The following LIMD1 variants were observed in gnomAD, a reference collection of about 807,000 sequenced individuals.
The protein encoded by LIMD1 is LIM domain-containing protein 1.
A neutral mutation model predicts 58.4 loss-of-function variants in LIMD1; 23 were observed. The ratio of observed to expected loss-of-function variants is 0.39; its 90% CI spans 0.28 to 0.56. The LOEUF is 0.56. Ranked by LOEUF, LIMD1 falls within the 20% of genes least tolerant of loss-of-function variation. LIMD1 has a pLI of 0.57. For missense variants in LIMD1, 838 were observed against 855.5 expected (o/e 0.98, Z 0.25); for synonymous variants, 334 against 345.5 (o/e 0.97, Z 0.37).
intron 1 of LIMD1, among the ~76,000 whole-genome samples, chr3:45,617,601 C>A (rs576344972): frequency 9.4e-4 from 143 of 152,360 alleles, no homozygotes; most frequent in Non-Finnish European, 1.7e-3. Context: ...AATTTTCTCT[C>A]CTGTTTTGAA....
intron 2 of LIMD1, among the ~76,000 whole-genome samples, chr3:45,659,126 A>G (rs1241178079): frequency 6.6e-6 from 1 of 152,202 alleles, no homozygotes; most frequent in Non-Finnish European, 1.5e-5. Flanking sequence ...TGTACCTAAT[A>G]CTAGAAAGAA....
intron 1 of LIMD1, among the ~76,000 whole-genome samples, chr3:45,603,284 C>T (rs1701434004): frequency 6.6e-6 from 1 of 152,126 alleles, no homozygotes; most frequent in South Asian, 2.1e-4. Flanking sequence ...AATAAAGCAG[C>T]CCCTCCAGAA....
At chr3:45,627,736 G>A (rs899288402) in intron 1 of LIMD1, among the ~76,000 whole-genome samples, 3 of 149,458 alleles carry the variant, frequency 2.0e-5, no homozygotes, top group East Asian at 2.0e-4. Context: ...GGCCAGGTGC[G>A]GTAGCTCATG....
chr3:45,668,874 A>G (rs1697554687), intron 4 of LIMD1, among the ~76,000 whole-genome samples: 2 of 152,130 alleles, frequency 1.3e-5, no homozygotes, highest in South Asian at 4.1e-4. Flanking sequence ...TGTTTCCGAT[A>G]ATGCTTTCTC....
intron 2 of LIMD1, among the ~76,000 whole-genome samples, chr3:45,637,727 C>T (rs1378600432): frequency 6.7e-6 from 1 of 149,206 alleles, no homozygotes; most frequent in Non-Finnish European, 1.5e-5. Flanking sequence ...TCCTAATTCC[C>T]AGTATAAAGT....
intron 1 of LIMD1, among the ~76,000 whole-genome samples, chr3:45,597,939 C>A (rs1701373836): frequency 2.0e-5 from 3 of 152,174 alleles, no homozygotes. Flanking sequence ...GTCAGGGTAG[C>A]TGTTTATGGC....
rs1479473845 is a variant in LIMD1, at chr3:45,685,367, G to A, written c.*8308G>A. The A allele has an allele frequency of 6.6e-6, 1 of 152,198 alleles. No homozygotes were observed. Among genetic ancestry groups the A allele is most frequent in the Non-Finnish European group, 1.5e-5 (1 of 68,026 alleles). 9.4% of individuals were successfully genotyped at this position (152,198 alleles called of 1,614,324 possible). On this transcript the variant is annotated 3_prime_UTR_variant, in exon 8 of 8. Transcript: ENST00000273317. ...TATGGTTCCCAACTGGTAAAGAAAC[G>A]TCAAACTTTGCCTCTCTTAGTTCCT...
chr3:45,638,354 G>T (rs1010898588), intron 2 of LIMD1, among the ~76,000 whole-genome samples: 3 of 152,192 alleles, frequency 2.0e-5, no homozygotes, highest in African/African-American at 7.2e-5. Flanking sequence ...AAGGTATATT[G>T]TGTGAATCTG....
At chr3:45,665,297 CTG>C (rs1697501217) in intron 2 of LIMD1, among the ~76,000 whole-genome samples, 1 of 151,958 alleles carries the variant, frequency 6.6e-6, no homozygotes, top group South Asian at 2.1e-4. Context: ...TCACAAGAGA[CTG>C]TTGCTTGGAT....
rs989324474 is a variant in LIMD1 at position 45,686,132 on chromosome 3, A to C, written c.*9073A>C. Reference sequence around the variant, plus strand: ...CTTGTAATAGTCTTAAAGCCCCTGCACCTGGAACTGTTTACTTTCCTGTAA... The same window carrying C: ...CTTGTAATAGTCTTAAAGCCCCTGCCCCTGGAACTGTTTACTTTCCTGTAA... On this transcript the variant is annotated 3_prime_UTR_variant, in exon 8 of 8. Coordinates refer to ENST00000273317, the MANE Select transcript of LIMD1 (RefSeq NM_014240.3). 1.4e-4 allele frequency: 21 copies of C among 152,178 alleles called. No homozygotes were observed. Among genetic ancestry groups the C allele is most frequent in the Non-Finnish European group, 2.6e-4 (18 of 68,040 alleles). The allele number at this position is 152,178 out of a possible 1,614,324, so 9.4% of individuals were successfully genotyped here. A position where few individuals can be genotyped will look rare whatever the true frequency, so the allele number is the denominator to read the frequency against.
chr3:45,674,227 A>C, intron 6 of LIMD1, 116 bp from the exon 7 acceptor site: 1 of 674,012 alleles, frequency 1.5e-6, no homozygotes, highest in Non-Finnish European at 2.7e-6. Context: ...TCTCCTCCCA[A>C]GGCCACCTAC....
rs1451581170 is a variant in LIMD1, at chr3:45,676,907, T to A, written c.1894-15T>A. The A allele has an allele frequency of 1.2e-6, 2 of 1,613,846 alleles. No individual in the cohort carries two copies. The highest frequency in any genetic ancestry group is 2.7e-5 in the African/African-American group (2 of 74,920). On this transcript the variant is annotated splice_polypyrimidine_tract_variant and intron_variant, in intron 7 of 7. Transcript: ENST00000273317. ...TTTTGTTTTGCTTCCCCTGGACATG[T>A]CTGCCTCCCCACAGGACTGTGGTCT...
chr3:45,674,465 A>T (rs1387739598), intron 7 of LIMD1, 54 bp downstream of exon 7: 2 of 1,432,418 alleles, frequency 1.4e-6, no homozygotes, highest in East Asian at 4.5e-5. Flanking sequence ...CCAAGAGAAA[A>T]GCATCCTGCG....
intron 1 of LIMD1, among the ~76,000 whole-genome samples, chr3:45,620,175 T>C (rs996453862): frequency 6.6e-5 from 10 of 152,276 alleles, no homozygotes; most frequent in African/African-American, 2.2e-4. Flanking sequence ...TAGTAGTTTA[T>C]GTTGATGCAA....
intron 2 of LIMD1, among the ~76,000 whole-genome samples, chr3:45,659,862 G>A (rs973432355): frequency 6.6e-6 from 1 of 152,134 alleles, no homozygotes; most frequent in Non-Finnish European, 1.5e-5. Flanking sequence ...TCCAGGGAGA[G>A]TTTATCATCT....
intron 4 of LIMD1, 55 bp from the exon 5 acceptor site, chr3:45,672,635 T>C (rs2125670587): frequency 6.3e-7 from 1 of 1,597,536 alleles, no homozygotes; most frequent in South Asian, 1.1e-5. Context: ...TCCTCTCCCC[T>C]TCCACCATCT....
intron 2 of LIMD1, among the ~76,000 whole-genome samples, chr3:45,645,761 CCTT>C (rs1186395725): frequency 6.6e-6 from 1 of 152,098 alleles, no homozygotes; most frequent in Non-Finnish European, 1.5e-5. Context: ...TGAGGGTATC[CCTT>C]CTTCATGTGT....
At chr3:45,625,012 A>C (rs575140257) in intron 1 of LIMD1, among the ~76,000 whole-genome samples, 2 of 151,342 alleles carry the variant, frequency 1.3e-5, no homozygotes, top group Admixed American at 1.3e-4. Flanking sequence ...AACTTATTTC[A>C]CGTGGAAGGC....
chr3:45,678,193 G>C lies in LIMD1; in HGVS notation c.*1134G>C, dbSNP rs981343307. ...TTTTGTCTGTTTAATTTTTTTAGTT[G>C]TTTCCCTTCACTTTCAGTCTTCCAC... On this transcript the variant is annotated 3_prime_UTR_variant, in exon 8 of 8. Coordinates refer to ENST00000273317, the MANE Select transcript of LIMD1 (RefSeq NM_014240.3). 6.6e-6 allele frequency: 1 copy of C among 152,556 alleles called. No homozygotes were observed. Among genetic ancestry groups the C allele is most frequent in the African/African-American group, 2.4e-5 (1 of 41,408 alleles). 9.5% of individuals were successfully genotyped at this position (152,556 alleles called of 1,614,324 possible). A position where few individuals can be genotyped will look rare whatever the true frequency, so the allele number is the denominator to read the frequency against.
Sources: gnomAD v4.1 joint callset for allele counts (sites outside exome capture counted in the v4.1 genomes callset) on GRCh38, gnomAD v4.1.1 for gene constraint, MANE v1.5 for transcripts, NCBI Gene and HGNC (gene_info 2026-07-23, HGNC 2026-07-21) for gene names.